The following SV2C variants were observed in gnomAD, a reference collection of about 807,000 sequenced individuals.
SV2C encodes solute carrier family 22 member B3.
Under a neutral mutation model 79.7 loss-of-function variants are expected in SV2C, and 49 were observed. That is an observed-to-expected ratio of 0.61 (90% CI 0.49 to 0.78). SV2C has a LOEUF of 0.78. Ranked by LOEUF, SV2C falls within the 30% of genes least tolerant of loss-of-function variation. The probability of loss-of-function intolerance (pLI) is 0.00; values close to 1 mark genes in which losing one functional copy is unlikely to be tolerated. For missense variants in SV2C, 833 were observed against 912.9 expected (o/e 0.91, Z 1.13); for synonymous variants, 334 against 333.2 (o/e 1.00, Z -0.03).
the SV2C span, among the ~76,000 whole-genome samples, chr5:75,949,100 C>G: frequency 6.6e-6 from 1 of 151,734 alleles, no homozygotes; most frequent in Non-Finnish European, 1.5e-5. Context: ...GTGTGTGGCA[C>G]CTCCTCTCCC....
chr5:76,343,924 G>T (rs1749489645), intron 12 of SV2C, among the ~76,000 whole-genome samples: 2 of 152,324 alleles, frequency 1.3e-5, no homozygotes, highest in South Asian at 2.1e-4. Flanking sequence ...AGGAGGCTGA[G>T]GTGGAAGGAT....
At chr5:76,121,934 G>A (rs1438405877) in intron 1 of SV2C, among the ~76,000 whole-genome samples, 2 of 152,066 alleles carry the variant, frequency 1.3e-5, no homozygotes, top group Admixed American at 1.3e-4. Context: ...GATGGGGATG[G>A]CATTGAATCT....
At chr5:76,153,380 T>A (rs1580311353) in intron 2 of SV2C, among the ~76,000 whole-genome samples, 1 of 152,188 alleles carries the variant, frequency 6.6e-6, no homozygotes, top group South Asian at 2.1e-4. Context: ...CTAATGTTCC[T>A]CCTGTAGTCT....
chr5:76,323,699 T>C lies in SV2C; in HGVS notation c.2001-1665T>C, dbSNP rs574821871. On this transcript the variant is annotated intron_variant, in intron 12 of 12. Transcript: ENST00000502798. ...GGTACATGTACACCATGGAATACTA[T>C]GCAGCCATAAAAAAGGAATGAGATA... is the stretch of plus-strand genomic sequence containing the variant. Among the ~76,000 whole-genome samples the C allele has an allele frequency of 1.4e-4, 22 of 152,352 alleles. No homozygotes were observed. In the East Asian group the frequency reaches 4.2e-3, roughly 29 times the overall value.
intron 12 of SV2C, among the ~76,000 whole-genome samples, chr5:76,302,603 C>T (rs988684298): frequency 3.2e-5 from 4 of 125,438 alleles, no homozygotes; most frequent in Non-Finnish European, 6.2e-5. Flanking sequence ...GCACTCCAGT[C>T]TGGACAACAA....
chr5:76,020,452 C>A, the SV2C span, among the ~76,000 whole-genome samples: 1 of 152,132 alleles, frequency 6.6e-6, no homozygotes, highest in Non-Finnish European at 1.5e-5. Context: ...CATAAAGTAG[C>A]AGAAAACCTG....
chr5:76,122,731 GA>G (rs1319199920), intron 1 of SV2C, among the ~76,000 whole-genome samples: 1 of 151,916 alleles, frequency 6.6e-6, no homozygotes, highest in African/African-American at 2.4e-5. Flanking sequence ...GCAGTGTGTA[GA>G]GGGAAATTTA....
the SV2C span, among the ~76,000 whole-genome samples, chr5:75,955,291 G>C: frequency 2.0e-5 from 3 of 149,198 alleles, no homozygotes; most frequent in Non-Finnish European, 4.5e-5. Context: ...ACAAGCAATG[G>C]GGAAAGGATT....
At chr5:76,293,188 C>G (rs1747619069) in intron 8 of SV2C, among the ~76,000 whole-genome samples, 1 of 152,098 alleles carries the variant, frequency 6.6e-6, no homozygotes, top group African/African-American at 2.4e-5. Flanking sequence ...AATTCCCACC[C>G]AAGCTCTAGA....
At chr5:76,067,858 T>TAA in the SV2C span, among the ~76,000 whole-genome samples, 9 of 152,134 alleles carry the variant, frequency 5.9e-5, no homozygotes, top group Admixed American at 1.3e-4. Context: ...TTATAAATAG[T>TAA]ATCTTTTCCA....
chr5:75,928,781 C>T, the SV2C span, among the ~76,000 whole-genome samples: 1 of 152,120 alleles, frequency 6.6e-6, no homozygotes, highest in South Asian at 2.1e-4. Context: ...ATTCTGTTCC[C>T]AGTCTCCTCT....
chr5:75,921,450 C>A, the SV2C span: 1 of 796,742 alleles, frequency 1.3e-6, no homozygotes, highest in South Asian at 1.3e-5. Context: ...GAACTTCTTG[C>A]CATCCTTGCC....
intron 12 of SV2C, among the ~76,000 whole-genome samples, chr5:76,317,596 G>A (rs951217299): frequency 1.6e-4 from 24 of 152,160 alleles, no homozygotes; most frequent in African/African-American, 5.3e-4. Context: ...TTGGGAGGCC[G>A]AGGTGGGAGA....
At chr5:76,175,679 C>T (rs1194099124) in intron 2 of SV2C, among the ~76,000 whole-genome samples, 3 of 152,144 alleles carry the variant, frequency 2.0e-5, no homozygotes, top group East Asian at 1.9e-4. Context: ...TGTTAAATTG[C>T]TAAGTAATTA....
rs377718998 is a variant in SV2C, at chr5:76,320,922, G to A, written c.2001-4442G>A. 3.9e-5 allele frequency among the ~76,000 whole-genome samples: 6 copies of A among 152,200 alleles called. No individual in the cohort carries two copies. In the East Asian group the frequency reaches 7.7e-4, roughly 20 times the overall value. ...CAACTTTGCCTCACTTCAGGAGCCT[G>A]CATACTCTACTTTCTAGGTGTCTTA... On this transcript the variant is annotated intron_variant, in intron 12 of 12. Coordinates refer to ENST00000502798, the MANE Select transcript of SV2C (RefSeq NM_014979.4).
At chr5:76,314,782 C>T (rs1271379420) in intron 12 of SV2C, among the ~76,000 whole-genome samples, 4 of 152,122 alleles carry the variant, frequency 2.6e-5, no homozygotes, top group Non-Finnish European at 4.4e-5. Context: ...TATCTACCTC[C>T]CCTCCCAGTA....
chr5:76,137,730 C>T (rs1749115671), intron 2 of SV2C, among the ~76,000 whole-genome samples: 1 of 152,050 alleles, frequency 6.6e-6, no homozygotes, highest in East Asian at 1.9e-4. Context: ...CTCCTGTTTC[C>T]CTTCAGAACC....
At chr5:76,023,696 A>ATATATATG in the SV2C span, among the ~76,000 whole-genome samples, 4 of 132,514 alleles carry the variant, frequency 3.0e-5, no homozygotes, top group African/African-American at 1.2e-4. Flanking sequence ...ATATATATAT[A>ATATATATG]TATGTATGTA....
the SV2C span, among the ~76,000 whole-genome samples, chr5:75,862,851 G>C: frequency 6.6e-6 from 1 of 152,178 alleles, no homozygotes; most frequent in Non-Finnish European, 1.5e-5. Context: ...ATCGGAGTAG[G>C]GTGTGACACC....
Sources: allele counts gnomAD v4.1 joint callset (sites outside exome capture counted in the v4.1 genomes callset), GRCh38; gene constraint gnomAD v4.1.1; transcripts MANE v1.5; gene names NCBI Gene and HGNC (gene_info 2026-07-23, HGNC 2026-07-21).